The following ABCA9 variants were observed in gnomAD, a reference collection of about 807,000 sequenced individuals.
ABCA9 encodes the protein ATP-binding cassette sub-family A member 9.
In ABCA9, 183 loss-of-function variants were observed where a neutral mutation model predicts 205.3. The ratio of observed to expected loss-of-function variants is 0.89; its 90% CI spans 0.79 to 1.01. The LOEUF is 1.01. Among genes scored for constraint, ABCA9 ranks in the 50% least tolerant of loss-of-function variants. ABCA9 has a pLI of 0.00. For synonymous variants in ABCA9, 651 were observed against 683.3 expected (o/e 0.95, Z 0.74); for missense variants, 1,805 against 1,912.4 (o/e 0.94, Z 1.05).
At chr17:69,014,340 G>C (rs2070501938) in intron 22 of ABCA9, among the ~76,000 whole-genome samples, 1 of 152,150 alleles carries the variant, frequency 6.6e-6, no homozygotes, top group Non-Finnish European at 1.5e-5. Context: ...TTCAGGCTCT[G>C]TGTAAAAGGT....
chr17:68,981,529 G>A (rs1372779119), intron 37 of ABCA9, among the ~76,000 whole-genome samples: 4 of 152,134 alleles, frequency 2.6e-5, no homozygotes, highest in East Asian at 3.9e-4. Flanking sequence ...TGTGAAAAAC[G>A]GCCACATAGA....
chr17:69,078,930 T>C, the ABCA9 span: 41 of 1,154,468 alleles, frequency 3.6e-5, no homozygotes, highest in African/African-American at 4.9e-4. Context: ...ACATAAAACA[T>C]GAGTTTATAG....
At chr17:69,015,440 ATCT>A (rs1333848191) in intron 22 of ABCA9, among the ~76,000 whole-genome samples, 1 of 152,142 alleles carries the variant, frequency 6.6e-6, no homozygotes, top group South Asian at 2.1e-4. Flanking sequence ...TCTACCCCAG[ATCT>A]TCTGCCTCTG....
intron 28 of ABCA9, among the ~76,000 whole-genome samples, chr17:68,991,162 G>A (rs148525985): frequency 1.8e-4 from 28 of 152,060 alleles, no homozygotes; most frequent in African/African-American, 5.3e-4. Context: ...TATCATCTTC[G>A]CTTTTTACCA....
Position 69,018,599 on chromosome 17 carries a change from A to T in ABCA9, c.2601-20T>A, listed in dbSNP as rs1383610355. 1.3e-6 allele frequency: 2 copies of T among 1,533,892 alleles called. No individual in the cohort carries two copies. The highest frequency in any genetic ancestry group is 8.7e-7 in the Non-Finnish European group (1 of 1,147,924). On this transcript the variant is annotated intron_variant, in intron 19 of 38. Coordinates refer to ENST00000340001, the MANE Select transcript of ABCA9 (RefSeq NM_080283.4). ...AATAATCTATGCAGAGGAAAATGTA[A>T]AAGAAAAAAATAATTTTAGCAACTT...
intron 13 of ABCA9, 44 bp downstream of exon 13, chr17:69,027,596 C>A: frequency 6.3e-7 from 1 of 1,589,118 alleles, no homozygotes; most frequent in South Asian, 1.2e-5. Flanking sequence ...CTAGATAAAC[C>A]GTCTCTTTTT....
chr17:69,022,279 A>C (rs2070837673), intron 17 of ABCA9: 1 of 152,056 alleles, frequency 6.6e-6, no homozygotes, highest in South Asian at 2.1e-4. Flanking sequence ...ATGTTTATAG[A>C]AATAATTAAG....
chr17:69,002,636 C>T (rs1056524225), intron 25 of ABCA9, among the ~76,000 whole-genome samples: 1 of 151,918 alleles, frequency 6.6e-6, no homozygotes, highest in Non-Finnish European at 1.5e-5. Flanking sequence ...ATTAGGTCCG[C>T]TTGGTGCAGG....
At chr17:68,978,394 C>T (rs1335554241) in intron 37 of ABCA9, among the ~76,000 whole-genome samples, 7 of 152,264 alleles carry the variant, frequency 4.6e-5, no homozygotes, top group South Asian at 2.1e-4. Flanking sequence ...CTGAATACAG[C>T]ACACTGATGG....
chr17:69,032,707 C>T (rs2071194255), intron 9 of ABCA9: 1 of 155,186 alleles, frequency 6.4e-6, no homozygotes, highest in Non-Finnish European at 1.4e-5. Flanking sequence ...TCAAGCAATT[C>T]TCCTGCTTGT....
At chr17:69,036,383 A>T (rs180961396) in intron 6 of ABCA9, among the ~76,000 whole-genome samples, 1 of 152,186 alleles carries the variant, frequency 6.6e-6, no homozygotes, top group African/African-American at 2.4e-5. Flanking sequence ...TGTTCATTGA[A>T]TTTTTTTCCC....
intron 37 of ABCA9, among the ~76,000 whole-genome samples, chr17:68,977,218 T>TG (rs2068913938): frequency 1.3e-5 from 2 of 151,854 alleles, no homozygotes; most frequent in South Asian, 4.2e-4. Context: ...AGCCGCCAGG[T>TG]GGTCACAGGA....
intron 4 of ABCA9, 47 bp downstream of exon 4, chr17:69,045,125 C>T: frequency 1.3e-6 from 2 of 1,544,870 alleles, no homozygotes; most frequent in Non-Finnish European, 8.8e-7. Context: ...CCCTTTGTGG[C>T]TACTGATACA....
intron 20 of ABCA9, chr17:69,018,048 C>T: frequency 2.3e-6 from 1 of 427,398 alleles, no homozygotes; most frequent in Non-Finnish European, 4.1e-6. Context: ...ACATTATAAT[C>T]CTTGAAGCTA....
Position 69,012,006 on chromosome 17 carries a change from G to A in ABCA9, c.3117C>T (p.Tyr1039=). ...WIPMAASFTP[Y]IAMSSIGDYK... ...AGTCACCAATGCTGCTCATTGCAAT[G>A]TATGGAGTGAAAGAGGCTGCCATCG... Residue 1039 remains tyrosine (Y), a synonymous_variant, in exon 23 of 39, where the codon TAC becomes TAT. Coordinates refer to ENST00000340001, the MANE Select transcript of ABCA9 (RefSeq NM_080283.4). 2 of 1,612,994 alleles carry A rather than the reference G, an allele frequency of 1.2e-6. No individual in the cohort carries two copies. The highest frequency in any genetic ancestry group is 2.2e-5 in the South Asian group (2 of 90,910).
chr17:69,011,044 C>T (rs9890027), intron 23 of ABCA9, among the ~76,000 whole-genome samples: 8,769 of 152,194 alleles, frequency 0.058, 850 homozygotes, highest in African/African-American at 0.2. Context: ...AAAGCCTGGA[C>T]ATTTAGACAT....
intron 25 of ABCA9, among the ~76,000 whole-genome samples, chr17:69,002,728 C>G (rs1404455451): frequency 1.4e-5 from 2 of 145,348 alleles, no homozygotes; most frequent in Non-Finnish European, 3.0e-5. Flanking sequence ...GTTAAAGTCT[C>G]CCATTATTAT....
intron 25 of ABCA9, among the ~76,000 whole-genome samples, chr17:69,005,078 T>C (rs143067584): frequency 0.042 from 6,383 of 152,164 alleles, 300 homozygotes; most frequent in African/African-American, 0.11. Context: ...AAATCACCCG[T>C]CTTCTGCGTC....
intron 14 of ABCA9, 58 bp downstream of exon 14, chr17:69,027,272 A>G: frequency 6.3e-7 from 1 of 1,578,634 alleles, no homozygotes; most frequent in African/African-American, 1.4e-5. Flanking sequence ...TGTTTGACCT[A>G]ATAAAATAAT....
Sources: allele counts gnomAD v4.1 joint callset (sites outside exome capture counted in the v4.1 genomes callset), GRCh38; gene constraint gnomAD v4.1.1; transcripts MANE v1.5; gene names NCBI Gene and HGNC (gene_info 2026-07-23, HGNC 2026-07-21).